ITPKC: variants seen among roughly 807,000 people sequenced by gnomAD.
ITPKC encodes IP3 3-kinase C.
Under a neutral mutation model 67.1 loss-of-function variants are expected in ITPKC, and 33 were observed. That is an observed-to-expected ratio of 0.49 (90% CI 0.37 to 0.66). The LOEUF is 0.66. ITPKC is among the 30% of genes least tolerant of loss of function. The probability of loss-of-function intolerance (pLI) is 0.00; values close to 1 mark genes in which losing one functional copy is unlikely to be tolerated. For missense variants in ITPKC, 820 were observed against 892.1 expected (o/e 0.92, Z 1.03); for synonymous variants, 341 against 359.8 (o/e 0.95, Z 0.59).
At chr19:40,720,858 C>T (rs924426909) in intron 1 of ITPKC, among the ~76,000 whole-genome samples, 13 of 152,094 alleles carry the variant, frequency 8.5e-5, no homozygotes, top group African/African-American at 2.2e-4. Context: ...CCTCTCTGAC[C>T]GTAAAGGCTC....
intron 2 of ITPKC, among the ~76,000 whole-genome samples, chr19:40,726,268 A>T (rs1412714968): frequency 6.6e-6 from 1 of 151,076 alleles, no homozygotes; most frequent in Non-Finnish European, 1.5e-5. Flanking sequence ...GAGGCACAGG[A>T]CTCTTATGAA....
chr19:40,727,885 G>A (rs1187023298), intron 2 of ITPKC, among the ~76,000 whole-genome samples: 1 of 152,188 alleles, frequency 6.6e-6, no homozygotes, highest in East Asian at 1.9e-4. Flanking sequence ...TGCAGTCATA[G>A]CTCATTGCAG....
chr19:40,739,216 A>G (rs1315710629), intron 6 of ITPKC, 141 bp from the exon 7 acceptor site: 6 of 623,986 alleles, frequency 9.6e-6, no homozygotes, highest in Non-Finnish European at 1.7e-5. Context: ...CTGCACAGAC[A>G]GGAGGTGGCA....
At chr19:40,729,063 A>G in intron 2 of ITPKC, 139 bp from the exon 3 acceptor site, 4 of 638,656 alleles carry the variant, frequency 6.3e-6, no homozygotes, top group Non-Finnish European at 1.1e-5. Context: ...TCATTAAAAA[A>G]AAAGTTGCAG....
At chr19:40,729,110 T>C (rs900213683) in intron 2 of ITPKC, 92 bp from the exon 3 acceptor site, 3 of 953,540 alleles carry the variant, frequency 3.1e-6, no homozygotes, top group Non-Finnish European at 3.3e-6. Flanking sequence ...GGCAAGATAA[T>C]GGTGGCCAGG....
chr19:40,733,443 C>T lies in ITPKC; in HGVS notation c.1674+79C>T, dbSNP rs547198330. 1,617 of 1,361,132 alleles carry T rather than the reference C, an allele frequency of 1.2e-3. 2 individuals carry two copies. The highest frequency in any genetic ancestry group is 1.5e-3 in the Non-Finnish European group (1,507 of 988,074). The allele number at this position is 1,361,132 out of a possible 1,614,324, so 84.3% of individuals were successfully genotyped here. ...AGGCAGGGCTTCTTGGGGAAAGCCA[C>T]GAGAGAGTGCAGGAGACGGCGTGGG... On this transcript the variant is annotated intron_variant, in intron 4 of 6. Transcript: ENST00000263370.
chr19:40,726,265 AG>A (rs770861098), intron 2 of ITPKC, among the ~76,000 whole-genome samples: 9 of 151,912 alleles, frequency 5.9e-5, no homozygotes, highest in Admixed American at 4.6e-4. Flanking sequence ...ACTGAGGCAC[AG>A]GACTCTTATG....
At chr19:40,720,415 G>A (rs1462634727) in intron 1 of ITPKC, among the ~76,000 whole-genome samples, 1 of 151,910 alleles carries the variant, frequency 6.6e-6, no homozygotes, top group Non-Finnish European at 1.5e-5. Flanking sequence ...GGCATAGAGA[G>A]GTGAGAGATT....
chr19:40,725,273 G>T (rs2144738978), intron 1 of ITPKC, 67 bp from the exon 2 acceptor site: 1 of 1,004,516 alleles, frequency 1.0e-6, no homozygotes, highest in South Asian at 1.3e-5. Context: ...TCCCTCTCAT[G>T]GCAGCACCTC....
In ITPKC at chr19:40,717,989, C is replaced by T; in HGVS notation, c.854C>T (p.Ser285Phe). 7 of 1,614,154 alleles carry T rather than the reference C, an allele frequency of 4.3e-6. No homozygotes were observed. Among genetic ancestry groups the T allele is most frequent in the Non-Finnish European group, 5.9e-6 (7 of 1,180,014 alleles). ...GSWTQPSTDG[S>F]QTAPGTDCLL... ...TGGACACAACCTAGCACTGACGGTTCCCAGACAGCACCTGGGACAGACTGC... is the reference window on the plus strand; with the variant it reads ...TGGACACAACCTAGCACTGACGGTTTCCAGACAGCACCTGGGACAGACTGC... The change falls in exon 1 of 7, where the codon TCC becomes TTC. Residue 285 changes from serine (S) to phenylalanine (F), a missense_variant. Physicochemically the swap from Ser to Phe is radical, Grantham distance 155. Coordinates refer to ENST00000263370, the MANE Select transcript of ITPKC (RefSeq NM_025194.3).
intron 4 of ITPKC, among the ~76,000 whole-genome samples, chr19:40,734,441 C>T (rs1391785652): frequency 1.3e-5 from 2 of 152,076 alleles, no homozygotes; most frequent in South Asian, 2.1e-4. Context: ...CTTCCACTCT[C>T]GGTGTTATGC....
chr19:40,728,030 A>G (rs2082254035), intron 2 of ITPKC, among the ~76,000 whole-genome samples: 2 of 152,210 alleles, frequency 1.3e-5, no homozygotes, highest in Admixed American at 6.5e-5. Flanking sequence ...CTATAAGAGC[A>G]GGATCAGGAA....
rs750253057 is a variant in ITPKC, at chr19:40,717,743, G to T, written c.608G>T (p.Ser203Ile). 6.2e-7 allele frequency: 1 copy of T among 1,613,730 alleles called. No homozygotes were observed. The highest frequency in any genetic ancestry group is 8.5e-7 in the Non-Finnish European group (1 of 1,179,906). ...DNLWTHQNSSSLQTHPEGACP... is the reference protein window; with the variant it reads ...DNLWTHQNSSILQTHPEGACP... ...CTCTGGACCCACCAGAACAGTTCCA[G>T]CCTCCAGACTCACCCAGAAGGAGCC... is the stretch of plus-strand genomic sequence containing the variant. The change falls in exon 1 of 7, where the codon AGC (serine) becomes ATC (isoleucine). Residue 203 changes from serine (S) to isoleucine (I), a missense_variant. Around this residue, in one of 2 missense-constraint regions of ITPKC, gnomAD observed 481 missense variants for 470.1 expected, o/e 1.02. Transcript: ENST00000263370.
At chr19:40,734,778 G>GTTTTTTT (rs1313856278) in intron 4 of ITPKC, among the ~76,000 whole-genome samples, 1 of 77,670 alleles carries the variant, frequency 1.3e-5, no homozygotes. Flanking sequence ...CTGGCTAATT[G>GTTTTTTT]TTGTTTTTTT....
chr19:40,739,922 A>G lies in ITPKC; in HGVS notation c.*362A>G, dbSNP rs755881159. The G allele has an allele frequency of 1.5e-5, 4 of 258,532 alleles. No homozygotes were observed. The highest frequency in any genetic ancestry group is 2.3e-5 in the Non-Finnish European group (3 of 132,220). 16.0% of individuals were successfully genotyped at this position (258,532 alleles called of 1,614,324 possible). On this transcript the variant is annotated 3_prime_UTR_variant, in exon 7 of 7. Transcript: ENST00000263370. ...GTGACAGGGTGCCTGTGGACACATG[A>G]ATCACTTCTAACCTGCCTCCCTGTC... is the stretch of plus-strand genomic sequence containing the variant.
At position 40,733,361 on chromosome 19, in the gene ITPKC, C is replaced by G. The variant is rs201283276; in HGVS notation, c.1671C>G (p.Ile557Met). The G allele has an allele frequency of 3.1e-5, 50 of 1,607,156 alleles. 1 individual carries two copies. Among genetic ancestry groups the G allele is most frequent in the Non-Finnish European group, 3.9e-5 (46 of 1,176,714 alleles). Reference sequence around the variant, plus strand: ...CCCTGGGCTTCCGGATCGAGGGCATCAAGGTGAGGACCAGGAACCGCCTGG... The same window carrying G: ...CCCTGGGCTTCCGGATCGAGGGCATGAAGGTGAGGACCAGGAACCGCCTGG... ...TSTLGFRIEG[I>M]KKADGTCNTN... The change falls in exon 4 of 7, where the codon ATC (isoleucine) becomes ATG (methionine). Residue 557 changes from isoleucine to methionine, a missense_variant. By Grantham distance (10) the Ile-to-Met change is conservative. This residue lies in a region of ITPKC where 339 missense variants were observed against 422.0 expected (regional missense o/e 0.80). Coordinates refer to ENST00000263370, the MANE Select transcript of ITPKC (RefSeq NM_025194.3).
intron 3 of ITPKC, among the ~76,000 whole-genome samples, chr19:40,730,503 C>T (rs1021580710): frequency 1.3e-5 from 2 of 152,184 alleles, no homozygotes; most frequent in African/African-American, 4.8e-5. Context: ...ATGATTATAG[C>T]TCACAGTAGC....
In ITPKC at chr19:40,717,305, G is replaced by T. The variant is rs1159256519; in HGVS notation, c.170G>T (p.Gly57Val). 7.2e-6 allele frequency: 11 copies of T among 1,533,620 alleles called. No homozygotes were observed. Among genetic ancestry groups the T allele is most frequent in the Middle Eastern group, 2.2e-4 (1 of 4,574 alleles). ...CCGGCGGGGCGGCCGGAGGGGGGCG[G>T]GCCCTGGGCCCGGACAGAGGGGTCC... Reference protein sequence around the residue: ...GAPAGRPEGGGPWARTEGSSL... With the variant: ...GAPAGRPEGGVPWARTEGSSL... Residue 57 changes from glycine to valine, a missense_variant, in exon 1 of 7, where the codon GGG becomes GTG. By Grantham distance (109) the Gly-to-Val change is moderately radical. Transcript: ENST00000263370.
intron 3 of ITPKC, among the ~76,000 whole-genome samples, chr19:40,732,465 G>A (rs2144749281): frequency 6.9e-6 from 1 of 145,296 alleles, no homozygotes; most frequent in South Asian, 2.2e-4. Context: ...GCGAGGCAGA[G>A]GTTGCAGTGA....
Sources: allele counts gnomAD v4.1 joint callset (sites outside exome capture counted in the v4.1 genomes callset), GRCh38; gene constraint gnomAD v4.1.1; regional missense constraint gnomAD v4.1.1; transcripts MANE v1.5; gene names NCBI Gene and HGNC (gene_info 2026-07-23, HGNC 2026-07-21).